TRDN: variants seen among roughly 807,000 people sequenced by gnomAD.
The protein encoded by TRDN is triadin in skeletal muscle.
A neutral mutation model predicts 149.7 loss-of-function variants in TRDN; 161 were observed. The observed-to-expected ratio is 1.08, with a 90% CI of 0.95 to 1.23. TRDN has a LOEUF of 1.23. Among genes scored for constraint, TRDN ranks in the 50% most tolerant of loss-of-function variants. The pLI, the probability that TRDN is intolerant of heterozygous loss-of-function variation, is 0.00. For missense variants in TRDN, 896 were observed against 823.5 expected, an observed-to-expected ratio of 1.09 and a Z score of -1.08; for synonymous variants, 294 against 250.5, an observed-to-expected ratio of 1.17 and a Z score of -1.64.
intron 19 of TRDN, among the ~76,000 whole-genome samples, 194 bp downstream of exon 19, chr6:123,375,411 T>G (rs1781468392): frequency 6.6e-6 from 1 of 152,114 alleles, no homozygotes; most frequent in South Asian, 2.1e-4. Flanking sequence ...GAAAGCTCTA[T>G]AGATAAATTT....
chr6:123,267,158 A>C (rs1411764030), intron 32 of TRDN, among the ~76,000 whole-genome samples: 2 of 150,754 alleles, frequency 1.3e-5, no homozygotes, highest in Non-Finnish European at 2.9e-5. Context: ...ATATTTTTGA[A>C]ATGAGAACTG....
chr6:123,524,913 A>G (rs1210884523), intron 5 of TRDN, among the ~76,000 whole-genome samples: 1 of 152,072 alleles, frequency 6.6e-6, no homozygotes, highest in East Asian at 1.9e-4. Context: ...TGTGGTTTCT[A>G]TCTTTAAATA....
intron 12 of TRDN, among the ~76,000 whole-genome samples, chr6:123,436,971 T>G (rs993951067): frequency 2.6e-5 from 4 of 152,132 alleles, no homozygotes; most frequent in African/African-American, 9.7e-5. Context: ...AGGAAATCTT[T>G]CAGGTGAGAA....
At chr6:123,318,927 C>A (rs903859524) in intron 23 of TRDN, among the ~76,000 whole-genome samples, 3 of 152,056 alleles carry the variant, frequency 2.0e-5, no homozygotes, top group African/African-American at 7.2e-5. Context: ...AATAGAACTA[C>A]TGGCTTTAGT....
In TRDN at chr6:123,350,718, A is replaced by G. The variant is rs1373289239; in HGVS notation, c.1369+1821T>C. The G allele has an allele frequency of 3.5e-6, 3 of 856,220 alleles. No homozygotes were observed. In the African/African-American group the frequency reaches 5.5e-5, roughly 16 times the overall value. 53.0% of individuals were successfully genotyped at this position (856,220 alleles called of 1,614,324 possible). A position where few individuals can be genotyped will look rare whatever the true frequency, so the allele number is the denominator to read the frequency against. ...AAATATATTATTTCCTATGATTGTT[A>G]TGATTGAAAAATATGAGGCCATTGT... On this transcript the variant is annotated intron_variant, in intron 21 of 40. Coordinates refer to ENST00000334268, the MANE Select transcript of TRDN (RefSeq NM_006073.4).
At chr6:123,392,360 A>G (rs1772523315) in intron 13 of TRDN, among the ~76,000 whole-genome samples, 1 of 150,500 alleles carries the variant, frequency 6.6e-6, no homozygotes, top group Non-Finnish European at 1.5e-5. Context: ...CTAACACAAA[A>G]TTCTTGCCTC....
At chr6:123,424,437 T>C (rs1250854335) in intron 12 of TRDN, among the ~76,000 whole-genome samples, 1 of 151,990 alleles carries the variant, frequency 6.6e-6, no homozygotes, top group African/African-American at 2.4e-5. Flanking sequence ...ATAGGCCCTC[T>C]ATAAACAAGA....
intron 28 of TRDN, 85 bp from the exon 29 acceptor site, chr6:123,273,096 G>A: frequency 2.3e-6 from 2 of 888,856 alleles, no homozygotes; most frequent in Non-Finnish European, 1.7e-6. Flanking sequence ...TGCCCATAGA[G>A]AAAAAATATT....
Position 123,256,798 on chromosome 6 carries a change from G to A in TRDN, c.1871-896C>T, listed in dbSNP as rs563431857. 6.6e-5 allele frequency among the ~76,000 whole-genome samples: 10 copies of A among 151,732 alleles called. No homozygotes were observed. In the East Asian group the frequency reaches 1.9e-3, roughly 30 times the overall value. ...GTTCACTCTGATGATAGTTCCTTTTGCTGTGCAGAAGCTCTTTACTTTAAT... is the reference window on the plus strand; with the variant it reads ...GTTCACTCTGATGATAGTTCCTTTTACTGTGCAGAAGCTCTTTACTTTAAT... On this transcript the variant is annotated intron_variant, in intron 35 of 40. Coordinates refer to ENST00000334268, the MANE Select transcript of TRDN (RefSeq NM_006073.4).
intron 1 of TRDN, among the ~76,000 whole-genome samples, chr6:123,625,998 T>C (rs1785642541): frequency 6.6e-6 from 1 of 152,336 alleles, no homozygotes; most frequent in Admixed American, 6.5e-5. Context: ...CACTGTTTGA[T>C]AGGATTTTAC....
chr6:123,270,931 A>G (rs1025431105), intron 30 of TRDN, among the ~76,000 whole-genome samples: 1 of 151,986 alleles, frequency 6.6e-6, no homozygotes, highest in African/African-American at 2.4e-5. Context: ...ATGCTACTCT[A>G]GCTATTATTT....
intron 10 of TRDN, among the ~76,000 whole-genome samples, chr6:123,442,478 G>C (rs1225795669): frequency 7.2e-6 from 1 of 138,382 alleles, no homozygotes; most frequent in African/African-American, 3.0e-5. Flanking sequence ...CCCTGGAGGC[G>C]GAGCTTGCAG....
intron 24 of TRDN, among the ~76,000 whole-genome samples, chr6:123,282,198 T>C (rs765453797): frequency 1.7e-4 from 26 of 152,064 alleles, no homozygotes; most frequent in Non-Finnish European, 2.4e-4. Context: ...TATGTATCAA[T>C]AGTCAGAGGT....
chr6:123,586,398 T>C (rs1237593211), intron 1 of TRDN, among the ~76,000 whole-genome samples: 2 of 151,904 alleles, frequency 1.3e-5, no homozygotes, highest in Non-Finnish European at 2.9e-5. Context: ...GACTCAGTGA[T>C]GCTTGGGGTT....
chr6:123,432,558 AT>A (rs1774377060), intron 12 of TRDN, among the ~76,000 whole-genome samples: 2 of 152,104 alleles, frequency 1.3e-5, no homozygotes, highest in South Asian at 4.1e-4. Context: ...GTTTATGTAC[AT>A]CGGGCACTAG....
intron 38 of TRDN, among the ~76,000 whole-genome samples, chr6:123,239,094 C>T (rs924652388): frequency 6.6e-6 from 1 of 152,166 alleles, no homozygotes; most frequent in African/African-American, 2.4e-5. Flanking sequence ...CCACCTCGGC[C>T]TTCCAAAGTG....
chr6:123,355,043 G>T (rs566446299), intron 20 of TRDN, among the ~76,000 whole-genome samples: 1 of 151,792 alleles, frequency 6.6e-6, no homozygotes, highest in East Asian at 1.9e-4. Flanking sequence ...AATGCCACAT[G>T]CTTTTCATAT....
intron 14 of TRDN, among the ~76,000 whole-genome samples, chr6:123,384,709 A>G (rs1247075731): frequency 1.3e-5 from 2 of 152,192 alleles, no homozygotes; most frequent in African/African-American, 2.4e-5. Flanking sequence ...TATGAAGTCC[A>G]GGGTCAGGCA....
chr6:123,373,418 G>A (rs1354909024), intron 19 of TRDN, among the ~76,000 whole-genome samples: 1 of 152,062 alleles, frequency 6.6e-6, no homozygotes, highest in African/African-American at 2.4e-5. Context: ...CTCTTTCTTT[G>A]GTAAATTGCC....
Sources: gnomAD v4.1 joint callset for allele counts (sites outside exome capture counted in the v4.1 genomes callset) on GRCh38, gnomAD v4.1.1 for gene constraint, MANE v1.5 for transcripts, NCBI Gene and HGNC (gene_info 2026-07-23, HGNC 2026-07-21) for gene names.